MAL2: variants seen among roughly 807,000 people sequenced by gnomAD.
MAL2 encodes the protein mal, T cell differentiation protein 2, also known as protein MAL2.
A neutral mutation model predicts 18.1 loss-of-function variants in MAL2; 17 were observed. The observed-to-expected ratio is 0.94, with a 90% CI of 0.64 to 1.41. MAL2 has a LOEUF of 1.41. Ranked by LOEUF, MAL2 falls within the 40% of genes most tolerant of loss-of-function variation. The pLI is 0.00. For missense variants in MAL2, 222 were observed against 231.9 expected, an observed-to-expected ratio of 0.96 and a Z score of 0.28; for synonymous variants, 102 against 102.3, an observed-to-expected ratio of 1.00 and a Z score of 0.02.
In MAL2 at chr8:119,244,293, A is replaced by C. The variant is rs1392615898; in HGVS notation, c.*805A>C. 2.0e-5 allele frequency: 3 copies of C among 152,152 alleles called. No individual in the cohort carries two copies. Among genetic ancestry groups the C allele is most frequent in the African/African-American group, 7.2e-5 (3 of 41,426 alleles). The allele number at this position is 152,152 out of a possible 1,614,324, so 9.4% of individuals were successfully genotyped here. ...AAATACTTACCTTTGGAGAATACTT[A>C]CCTTTGGAGGAATGTATAAAATTTC... is the stretch of plus-strand genomic sequence containing the variant. On this transcript the variant is annotated 3_prime_UTR_variant, in exon 4 of 4. Coordinates refer to ENST00000614891, the MANE Select transcript of MAL2 (RefSeq NM_052886.3).
chr8:119,219,212 ACAC>A (rs151098588), intron 1 of MAL2, among the ~76,000 whole-genome samples: 12,223 of 152,182 alleles, frequency 0.08, 1,446 homozygotes, highest in African/African-American at 0.26. Context: ...GTTGAGGTAT[ACAC>A]CACAACTATA....
intron 2 of MAL2, among the ~76,000 whole-genome samples, chr8:119,228,643 G>C (rs1817646276): frequency 6.6e-6 from 1 of 152,126 alleles, no homozygotes; most frequent in Admixed American, 6.5e-5. Context: ...CTCCTGCTTT[G>C]TTGAGAAGTG....
At chr8:119,237,163 T>C (rs577977229) in intron 2 of MAL2, among the ~76,000 whole-genome samples, 70 of 151,938 alleles carry the variant, frequency 4.6e-4, no homozygotes, top group Non-Finnish European at 7.8e-4. Context: ...CAAACACCTC[T>C]ACACAAATAA....
intron 2 of MAL2, among the ~76,000 whole-genome samples, chr8:119,232,102 A>T (rs796774242): frequency 7.6e-5 from 10 of 131,180 alleles, no homozygotes; most frequent in South Asian, 7.3e-4. Context: ...GGTTTTATAT[A>T]TTTTTTTATA....
intron 2 of MAL2, among the ~76,000 whole-genome samples, chr8:119,235,595 G>A (rs1020057869): frequency 6.8e-4 from 103 of 152,164 alleles, no homozygotes; most frequent in African/African-American, 2.0e-3. Flanking sequence ...CTAACAGCGG[G>A]TCTCTTGGCA....
intron 2 of MAL2, among the ~76,000 whole-genome samples, chr8:119,236,541 G>C (rs1817900428): frequency 6.6e-6 from 1 of 151,242 alleles, no homozygotes; most frequent in Admixed American, 6.6e-5. Flanking sequence ...CACATAGTTG[G>C]AAGTAAAGCT....
Position 119,208,579 on chromosome 8 carries a change from CG to C in MAL2, c.110del (p.Gly37AlafsTer37). ...GGCCCCGACATCCTGCGGACCTACT[CG>C]GGCGCCTTCGTCTGCCTGGAGATTG... ...PAGPDILRTY[S>X]GAFVCLEILF... On this transcript the variant is annotated frameshift_variant, in exon 1 of 4. Coordinates refer to ENST00000614891, the MANE Select transcript of MAL2 (RefSeq NM_052886.3). LOFTEE classifies it high-confidence loss of function. This position sits in a 1 kb window ranked among gnomAD's most constrained non-coding sequence, Gnocchi z 4.3. 1 of 1,387,464 alleles carries C rather than the reference CG, an allele frequency of 7.2e-7. No homozygotes were observed. The allele number at this position is 1,387,464 out of a possible 1,614,324, so 85.9% of individuals were successfully genotyped here.
At chr8:119,232,220 CAATTAAAAT>C (rs1211654079) in intron 2 of MAL2, among the ~76,000 whole-genome samples, 1 of 150,522 alleles carries the variant, frequency 6.6e-6, no homozygotes, top group Non-Finnish European at 1.5e-5. Flanking sequence ...GTATTTTTCT[CAATTAAAAT>C]AATTTTTTTT....
intron 3 of MAL2, among the ~76,000 whole-genome samples, chr8:119,240,892 A>C (rs554719570): frequency 6.2e-4 from 95 of 152,278 alleles, no homozygotes; most frequent in Middle Eastern, 3.4e-3. Context: ...AAATTTTTTA[A>C]ATCATCTTTA....
chr8:119,214,206 A>G (rs900410220), intron 1 of MAL2, among the ~76,000 whole-genome samples: 6 of 152,230 alleles, frequency 3.9e-5, no homozygotes, highest in African/African-American at 1.4e-4. Flanking sequence ...TGTTTGTTCT[A>G]TAGTACAAAC....
chr8:119,221,123 A>G (rs1168605507), intron 1 of MAL2: 1 of 156,724 alleles, frequency 6.4e-6, no homozygotes, highest in Non-Finnish European at 1.4e-5. Flanking sequence ...TTTTTTACTA[A>G]CTCTCTAAGA....
At chr8:119,239,379 G>A (rs1817994418) in intron 2 of MAL2, among the ~76,000 whole-genome samples, 1 of 151,792 alleles carries the variant, frequency 6.6e-6, no homozygotes, top group African/African-American at 2.4e-5. Context: ...ATTCCTCAGG[G>A]ATCTAGAACT....
Position 119,245,385 on chromosome 8 carries a change from GTTTC to G in MAL2, c.*1901_*1904del. 6.6e-6 allele frequency: 1 copy of G among 152,582 alleles called. No individual in the cohort carries two copies. The highest frequency in any genetic ancestry group is 6.6e-5 in the Admixed American group (1 of 15,266). The allele number at this position is 152,582 out of a possible 1,614,324, so 9.5% of individuals were successfully genotyped here. On this transcript the variant is annotated 3_prime_UTR_variant, in exon 4 of 4. Transcript: ENST00000614891. ...GCTTATGTTTGGTGGCATTAAATTG[GTTTC>G]TTTAAAATGCTTTGGTGGCACTTTT...
chr8:119,227,464 A>G (rs1817619540), intron 2 of MAL2, among the ~76,000 whole-genome samples: 1 of 152,138 alleles, frequency 6.6e-6, no homozygotes, highest in African/African-American at 2.4e-5. Flanking sequence ...CTGTCCTTTG[A>G]GAGTTTTGTG....
chr8:119,238,375 C>T (rs1052199943), intron 2 of MAL2, among the ~76,000 whole-genome samples: 7 of 152,234 alleles, frequency 4.6e-5, no homozygotes, highest in Admixed American at 6.5e-5. Flanking sequence ...AGATTCAATG[C>T]CATCCCCATC....
intron 3 of MAL2, 140 bp from the exon 4 acceptor site, chr8:119,243,277 A>T: frequency 1.8e-6 from 1 of 569,872 alleles, no homozygotes; most frequent in Non-Finnish European, 2.9e-6. Context: ...AAAAAAAAAA[A>T]AACAATGTAA....
chr8:119,209,999 C>T (rs1435421317), intron 1 of MAL2, among the ~76,000 whole-genome samples: 1 of 152,114 alleles, frequency 6.6e-6, no homozygotes, highest in Non-Finnish European at 1.5e-5. Context: ...CTTAGGTTCT[C>T]GGCTACTTTA....
chr8:119,211,000 CTGT>C (rs1484730541), intron 1 of MAL2, among the ~76,000 whole-genome samples: 1 of 152,180 alleles, frequency 6.6e-6, no homozygotes, highest in African/African-American at 2.4e-5. Flanking sequence ...TCCTTTAGGA[CTGT>C]TTAGAGATAT....
At chr8:119,220,218 A>G (rs1251670520) in intron 1 of MAL2, among the ~76,000 whole-genome samples, 2 of 152,086 alleles carry the variant, frequency 1.3e-5, no homozygotes, top group East Asian at 1.9e-4. Flanking sequence ...AAATCTGGGT[A>G]TTTTCCTTAT....
Sources: allele counts gnomAD v4.1 joint callset (sites outside exome capture counted in the v4.1 genomes callset), GRCh38; gene constraint gnomAD v4.1.1; non-coding constraint Gnocchi (gnomAD v3.1); transcripts MANE v1.5; gene names NCBI Gene and HGNC (gene_info 2026-07-23, HGNC 2026-07-21).